RNF2: variants seen among roughly 807,000 people sequenced by gnomAD.
RNF2 encodes the protein ring finger protein 2.
In RNF2, 6 loss-of-function variants were observed where a neutral mutation model predicts 37.2. The ratio of observed to expected loss-of-function variants is 0.16; its 90% CI spans 0.09 to 0.32. The LOEUF (loss-of-function observed/expected upper bound fraction) is 0.32. RNF2 is among the 10% of genes least tolerant of loss of function. RNF2 has a pLI of 1.00. For missense variants in RNF2, 251 were observed against 404.0 expected (o/e 0.62, Z 3.25); for synonymous variants, 133 against 132.7 (o/e 1.00, Z -0.02).
At chr1:185,061,022 T>C (rs764900784) in intron 1 of RNF2, among the ~76,000 whole-genome samples, 1 of 151,916 alleles carries the variant, frequency 6.6e-6, no homozygotes, top group Non-Finnish European at 1.5e-5. Context: ...GAGGCTGACA[T>C]GGGAGGATCG....
At chr1:185,079,152 A>G (rs1378757202) in intron 1 of RNF2, among the ~76,000 whole-genome samples, 3 of 144,062 alleles carry the variant, frequency 2.1e-5, no homozygotes, top group Non-Finnish European at 4.5e-5. Flanking sequence ...ACTAATGCTT[A>G]CTTTTCATTT....
At chr1:185,054,560 C>G (rs1225912187) in intron 1 of RNF2, among the ~76,000 whole-genome samples, 1 of 152,206 alleles carries the variant, frequency 6.6e-6, no homozygotes, top group Admixed American at 6.5e-5. Flanking sequence ...GCGGGTTCCT[C>G]AGCTCTGAAA....
chr1:185,098,336 A>C lies in RNF2; in HGVS notation c.729A>C (p.Ala243=), dbSNP rs1005390904. Residue 243 remains alanine, a synonymous_variant, in exon 5 of 7, where the codon GCA becomes GCC. Transcript: ENST00000367510. ...HPTLMEKDDS[A]QTRYIKTSGN... is the part of the protein sequence containing the mutation. ...CACTTATGGAAAAAGATGACAGTGC[A>C]CAGACGAGGTAAGTGTGTGGATTAG... is the stretch of plus-strand genomic sequence containing the variant. The C allele has an allele frequency of 9.3e-6, 15 of 1,613,976 alleles. No homozygotes were observed. The highest frequency in any genetic ancestry group is 1.2e-5 in the Non-Finnish European group (14 of 1,179,880).
intron 1 of RNF2, among the ~76,000 whole-genome samples, chr1:185,070,567 T>C (rs984826927): frequency 2.6e-5 from 4 of 152,024 alleles, no homozygotes; most frequent in African/African-American, 9.7e-5. Flanking sequence ...ATTAGTATTA[T>C]CCTCAGTTTT....
At chr1:185,062,056 CTT>C (rs1418881644) in intron 1 of RNF2, among the ~76,000 whole-genome samples, 2 of 152,142 alleles carry the variant, frequency 1.3e-5, no homozygotes, top group African/African-American at 4.8e-5. Context: ...TTATCTCCAC[CTT>C]GTAGCAGCAA....
At position 185,098,146 on chromosome 1, in the gene RNF2, G is replaced by A; in HGVS notation, c.539G>A (p.Ser180Asn). ...GATAATGGTGACAGTTCACACTGCAGTAATGCATCCACACATAGCAATCAG... is the reference window on the plus strand; with the variant it reads ...GATAATGGTGACAGTTCACACTGCAATAATGCATCCACACATAGCAATCAG... ...AEDNGDSSHCSNASTHSNQEA... is the reference protein window; with the variant it reads ...AEDNGDSSHCNNASTHSNQEA... Residue 180 changes from serine (S) to asparagine (N), a missense_variant, in exon 5 of 7, where the codon AGT (serine) becomes AAT (asparagine). By Grantham distance (46) the Ser-to-Asn change is conservative. This residue lies in a region of RNF2 where 94 missense variants were observed against 99.2 expected (regional missense o/e 0.95). Coordinates refer to ENST00000367510, the MANE Select transcript of RNF2 (RefSeq NM_007212.4). 1 of 1,614,244 alleles carries A rather than the reference G, an allele frequency of 6.2e-7. No homozygotes were observed. Among genetic ancestry groups the A allele is most frequent in the Non-Finnish European group, 8.5e-7 (1 of 1,180,030 alleles).
rs1434793591 is a variant in RNF2 at position 185,102,226 on chromosome 1, G to A, written c.*1925G>A. 1 of 152,126 alleles carries A rather than the reference G, an allele frequency of 6.6e-6. No homozygotes were observed. Among genetic ancestry groups the A allele is most frequent in the African/African-American group, 2.4e-5 (1 of 41,430 alleles). 9.4% of individuals were successfully genotyped at this position (152,126 alleles called of 1,614,324 possible). A position where few individuals can be genotyped will look rare whatever the true frequency, so the allele number is the denominator to read the frequency against. On this transcript the variant is annotated 3_prime_UTR_variant, in exon 7 of 7. Transcript: ENST00000367510. ...GAAATATAATTCTAGGTATTTGATAGGGTATTGAGTGTATTTTGTGTGTGT... is the reference window on the plus strand; with the variant it reads ...GAAATATAATTCTAGGTATTTGATAAGGTATTGAGTGTATTTTGTGTGTGT...
At chr1:185,076,269 T>TG (rs1651155134) in intron 1 of RNF2, among the ~76,000 whole-genome samples, 1 of 20,966 alleles carries the variant, frequency 4.8e-5, no homozygotes, top group African/African-American at 2.7e-4. Context: ...TTATGGGTTG[T>TG]TTTTTTTTTT....
At chr1:185,057,075 A>G (rs920671780) in intron 1 of RNF2, among the ~76,000 whole-genome samples, 36 of 152,324 alleles carry the variant, frequency 2.4e-4, no homozygotes, top group African/African-American at 8.7e-4. Flanking sequence ...TGGGAGGCAG[A>G]AGCAGGAGGA....
intron 1 of RNF2, among the ~76,000 whole-genome samples, chr1:185,059,302 A>G (rs1210198282): frequency 6.6e-6 from 1 of 151,036 alleles, no homozygotes; most frequent in African/African-American, 2.4e-5. Flanking sequence ...GTGACGGGGG[A>G]CACAGGAAAC....
intron 1 of RNF2, among the ~76,000 whole-genome samples, chr1:185,072,976 A>G (rs1426255924): frequency 6.6e-6 from 1 of 152,078 alleles, no homozygotes; most frequent in Admixed American, 6.5e-5. Flanking sequence ...AACAGAACTC[A>G]GAATGACATG....
At chr1:185,093,576 A>C (rs1488168821) in intron 4 of RNF2, among the ~76,000 whole-genome samples, 1 of 152,156 alleles carries the variant, frequency 6.6e-6, no homozygotes, top group African/African-American at 2.4e-5. Context: ...CTCCAATCAG[A>C]CATTCATCCT....
chr1:185,068,009 T>A (rs1571304042), intron 1 of RNF2, among the ~76,000 whole-genome samples: 2 of 674 alleles, frequency 3.0e-3, no homozygotes, highest in South Asian at 0.25. Context: ...GCGCCCGGCC[T>A]TTTTTTTTTT....
chr1:185,098,456 G>A, intron 5 of RNF2, 112 bp downstream of exon 5: 1 of 1,253,298 alleles, frequency 8.0e-7, no homozygotes, highest in Non-Finnish European at 1.1e-6. Flanking sequence ...ATTGATTGCA[G>A]GGGTTCAGTT....
intron 1 of RNF2, among the ~76,000 whole-genome samples, chr1:185,055,149 A>G (rs926562262): frequency 6.6e-6 from 1 of 152,346 alleles, no homozygotes; most frequent in Non-Finnish European, 1.5e-5. Context: ...CTGCAGATCG[A>G]GTATCCCTTA....
At chr1:185,083,074 A>C (rs1419245528) in intron 1 of RNF2, among the ~76,000 whole-genome samples, 2 of 152,194 alleles carry the variant, frequency 1.3e-5, no homozygotes, top group African/African-American at 2.4e-5. Flanking sequence ...AAGCAGCATC[A>C]TTTGGATAGG....
intron 1 of RNF2, among the ~76,000 whole-genome samples, chr1:185,085,613 T>C (rs1187495967): frequency 6.6e-6 from 1 of 152,126 alleles, no homozygotes; most frequent in Non-Finnish European, 1.5e-5. Flanking sequence ...TCTATACTAC[T>C]TGAGTTTTTG....
chr1:185,075,501 G>A (rs1455091341), intron 1 of RNF2, among the ~76,000 whole-genome samples: 2 of 152,270 alleles, frequency 1.3e-5, no homozygotes, highest in South Asian at 2.1e-4. Flanking sequence ...GCATTGCTGT[G>A]TAACTCCCTG....
chr1:185,086,828 T>C (rs1651612773), intron 1 of RNF2, among the ~76,000 whole-genome samples: 1 of 152,218 alleles, frequency 6.6e-6, no homozygotes, highest in Admixed American at 6.5e-5. Flanking sequence ...TTGGACTAGA[T>C]AGCTATGCTG....
Sources: allele counts gnomAD v4.1 joint callset (sites outside exome capture counted in the v4.1 genomes callset), GRCh38; gene constraint gnomAD v4.1.1; regional missense constraint gnomAD v4.1.1; transcripts MANE v1.5; gene names NCBI Gene and HGNC (gene_info 2026-07-23, HGNC 2026-07-21).